MEIKIN: variants seen among roughly 807,000 people sequenced by gnomAD.
MEIKIN encodes the protein meiosis-specific kinetochore protein.
chr5:131,925,443 T>C (rs1369290983), intron 5 of MEIKIN, among the ~76,000 whole-genome samples: 1 of 152,222 alleles, frequency 6.6e-6, no homozygotes, highest in African/African-American at 2.4e-5. Context: ...TGCATCTTTT[T>C]AAATTTTATT....
At chr5:131,819,979 T>G (rs1434107526) in intron 11 of MEIKIN, among the ~76,000 whole-genome samples, 2 of 147,886 alleles carry the variant, frequency 1.4e-5, no homozygotes, top group Non-Finnish European at 3.0e-5. Context: ...GTTTCACCGT[T>G]TTAGCCGGGA....
At chr5:131,906,063 AAGAAACTATCAACAGAATCAATAATCTAC>A (rs751701864) in intron 8 of MEIKIN, among the ~76,000 whole-genome samples, 1 of 152,206 alleles carries the variant, frequency 6.6e-6, no homozygotes, top group Non-Finnish European at 1.5e-5. Context: ...TGCACAGCAA[AAGAAACTATCAACAGAATCAATAATCTAC>A]AGAATGGGAG....
chr5:131,862,366 A>C (rs2149620001), intron 9 of MEIKIN, among the ~76,000 whole-genome samples: 1 of 151,910 alleles, frequency 6.6e-6, no homozygotes, highest in Admixed American at 6.6e-5. Context: ...CTAGTGGTTT[A>C]TTAATTTTAT....
chr5:131,866,309 C>A (rs566445019), intron 9 of MEIKIN, among the ~76,000 whole-genome samples: 1 of 152,170 alleles, frequency 6.6e-6, no homozygotes, highest in African/African-American at 2.4e-5. Context: ...AATGGTGTAC[C>A]GGGCTGGGTG....
At chr5:131,910,133 G>A (rs1262999585) in intron 8 of MEIKIN, among the ~76,000 whole-genome samples, 1 of 152,140 alleles carries the variant, frequency 6.6e-6, no homozygotes, top group Non-Finnish European at 1.5e-5. Context: ...ATTTGTTTCA[G>A]CACTATTCAC....
chr5:131,823,528 T>C (rs1261440975), intron 11 of MEIKIN, among the ~76,000 whole-genome samples: 6 of 152,124 alleles, frequency 3.9e-5, no homozygotes, highest in African/African-American at 1.4e-4. Flanking sequence ...GGATTTCTGC[T>C]TGATTCTTTT....
chr5:131,887,488 T>G (rs1211395356), intron 8 of MEIKIN, among the ~76,000 whole-genome samples: 1 of 152,148 alleles, frequency 6.6e-6, no homozygotes, highest in African/African-American at 2.4e-5. Flanking sequence ...CCACATCCTC[T>G]CTAGCATCTG....
At chr5:131,867,986 G>A (rs1750417582) in intron 9 of MEIKIN, among the ~76,000 whole-genome samples, 1 of 152,244 alleles carries the variant, frequency 6.6e-6, no homozygotes, top group Admixed American at 6.5e-5. Flanking sequence ...ATTCTCAGCA[G>A]CAAAGAATGA....
At chr5:131,909,178 T>C (rs1751294231) in intron 8 of MEIKIN, among the ~76,000 whole-genome samples, 1 of 152,142 alleles carries the variant, frequency 6.6e-6, no homozygotes, top group African/African-American at 2.4e-5. Flanking sequence ...ACTATGGCGC[T>C]ACAGTAACCC....
At chr5:131,885,880 T>C (rs916378314) in intron 8 of MEIKIN, among the ~76,000 whole-genome samples, 1 of 152,114 alleles carries the variant, frequency 6.6e-6, no homozygotes, top group African/African-American at 2.4e-5. Context: ...CAATGCAAAA[T>C]AGCTGTTTTG....
intron 5 of MEIKIN, among the ~76,000 whole-genome samples, chr5:131,931,286 A>C (rs1418032396): frequency 6.6e-6 from 1 of 152,200 alleles, no homozygotes; most frequent in East Asian, 1.9e-4. Flanking sequence ...GGAACATTGG[A>C]CACAAAGTCC....
chr5:131,894,971 T>C (rs1435148018), intron 8 of MEIKIN, among the ~76,000 whole-genome samples: 2 of 152,224 alleles, frequency 1.3e-5, no homozygotes, highest in Admixed American at 1.3e-4. Flanking sequence ...CATCCTTGTC[T>C]TGGGCCAGTT....
intron 11 of MEIKIN, among the ~76,000 whole-genome samples, chr5:131,835,961 T>C (rs188335230): frequency 7.1e-4 from 108 of 152,292 alleles, no homozygotes; most frequent in Middle Eastern, 3.4e-3. Flanking sequence ...TAAACCCATA[T>C]CATGGGGGTT....
chr5:131,905,035 G>A (rs1331932994), intron 8 of MEIKIN, among the ~76,000 whole-genome samples: 1 of 152,088 alleles, frequency 6.6e-6, no homozygotes, highest in African/African-American at 2.4e-5. Context: ...ACCTAATGTA[G>A]GTGAAGGGTT....
chr5:131,938,367 C>T (rs1474131520), intron 4 of MEIKIN, among the ~76,000 whole-genome samples: 4 of 152,084 alleles, frequency 2.6e-5, no homozygotes, highest in African/African-American at 7.2e-5. Flanking sequence ...AGGGTTTCAC[C>T]GTGTTGCCCA....
intron 4 of MEIKIN, among the ~76,000 whole-genome samples, chr5:131,940,475 T>C (rs760450405): frequency 2.4e-4 from 37 of 152,234 alleles, no homozygotes; most frequent in Non-Finnish European, 4.4e-4. Flanking sequence ...GCCTCTGGTA[T>C]CTACAGATAT....
At chr5:131,849,002 A>C (rs1202589258) in intron 11 of MEIKIN, among the ~76,000 whole-genome samples, 1 of 152,246 alleles carries the variant, frequency 6.6e-6, no homozygotes, top group African/African-American at 2.4e-5. Context: ...GCATTTGACA[A>C]AATTCAATAC....
At chr5:131,877,929 C>G (rs975423650) in intron 9 of MEIKIN, among the ~76,000 whole-genome samples, 2 of 152,178 alleles carry the variant, frequency 1.3e-5, no homozygotes, top group African/African-American at 2.4e-5. Context: ...TGTGCCATCC[C>G]CCTCAGTCCA....
chr5:131,854,902 C>T, intron 9 of MEIKIN, 68 bp from the exon 10 acceptor site: 4 of 392,776 alleles, frequency 1.0e-5, no homozygotes, highest in Non-Finnish European at 1.8e-5. Flanking sequence ...TATAGTAAAA[C>T]TACAATTTCA....
Sources: gnomAD v4.1 joint callset for allele counts (sites outside exome capture counted in the v4.1 genomes callset) on GRCh38, gnomAD v4.1.1 for gene constraint, MANE v1.5 for transcripts, NCBI Gene and HGNC (gene_info 2026-07-23, HGNC 2026-07-21) for gene names.